The following REXO1 variants were observed in gnomAD, a reference collection of about 807,000 sequenced individuals.
REXO1 encodes the protein RNA exonuclease 1 homolog, also known as REX1, RNA exonuclease 1 homolog.
In REXO1, 42 loss-of-function variants were observed where a neutral mutation model predicts 102.6. The ratio of observed to expected loss-of-function variants is 0.41; its 90% confidence interval spans 0.32 to 0.53. REXO1 has a LOEUF of 0.53. Among genes scored for constraint, REXO1 ranks in the 20% least tolerant of loss-of-function variants. The pLI is 0.27. For missense variants in REXO1, 1,819 were observed against 1,732.5 expected, an observed-to-expected ratio of 1.05 and a Z score of -0.89; for synonymous variants, 908 against 779.1, an observed-to-expected ratio of 1.17 and a Z score of -2.76.
At chr19:1,824,810 G>A (rs1010120514) in intron 3 of REXO1, among the ~76,000 whole-genome samples, 1 of 152,104 alleles carries the variant, frequency 6.6e-6, no homozygotes, top group Non-Finnish European at 1.5e-5. Context: ...TTTTGAGACA[G>A]AGTCTTGCCT....
chr19:1,815,680 TCAAA>T lies in REXO1; in HGVS notation c.*382_*385del, dbSNP rs986084143. The T allele has an allele frequency of 2.6e-5, 34 of 1,301,832 alleles. No homozygotes were observed. The highest frequency in any genetic ancestry group is 1.2e-4 in the African/African-American group (8 of 66,518). 80.6% of individuals were successfully genotyped at this position (1,301,832 alleles called of 1,614,324 possible). ...CAATACAAAATAAAAAAAGACTGTC[TCAAA>T]CAAACCTGGGACAAGCCCGCCCCGC... On this transcript the variant is annotated 3_prime_UTR_variant, in exon 16 of 16. Transcript: ENST00000170168. This position sits in a 1 kb window ranked among gnomAD's most constrained non-coding sequence, Gnocchi z 4.0.
chr19:1,828,012 G>A lies in REXO1; in HGVS notation c.777C>T (p.Pro259=), dbSNP rs755890719. ...AGGGCTCACTGCCGCGGGAGCCCCG[G>A]GGCCGCTTGGCGGCCCGCTCATCCC... is the stretch of plus-strand genomic sequence containing the variant. The part of the protein sequence containing the change: ...SSRDERAAKR[P]RGSRGSEPYT... The change falls in exon 2 of 16, where the codon CCC becomes CCT. Residue 259 remains proline, a synonymous_variant. Transcript: ENST00000170168. The A allele has an allele frequency of 6.2e-7, 1 of 1,612,678 alleles. No individual in the cohort carries two copies. The highest frequency in any genetic ancestry group is 8.5e-7 in the Non-Finnish European group (1 of 1,179,540).
rs199605022 is a variant in REXO1 at position 1,827,910 on chromosome 19, G to A, written c.879C>T (p.Ala293=). Residue 293 remains alanine (A), a synonymous_variant, in exon 2 of 16, where the codon GCC becomes GCT. Transcript: ENST00000170168. The part of the protein sequence containing the change: ...DARFSDSEDE[A]ATVPGNEPTT... ...TGGGCTCGTTACCTGGGACCGTGGCGGCCTCATCTTCTGAGTCTGAGAACC... is the reference window on the plus strand; with the variant it reads ...TGGGCTCGTTACCTGGGACCGTGGCAGCCTCATCTTCTGAGTCTGAGAACC... The A allele has an allele frequency of 1.7e-5, 27 of 1,613,742 alleles. No individual in the cohort carries two copies. The highest frequency in any genetic ancestry group is 8.9e-5 in the East Asian group (4 of 44,866).
Position 1,827,742 on chromosome 19 carries a change from G to A in REXO1, c.1047C>T (p.Leu349=), listed in dbSNP as rs368634346. The A allele has an allele frequency of 6.2e-5, 98 of 1,570,128 alleles. No individual in the cohort carries two copies. Among genetic ancestry groups the A allele is most frequent in the Non-Finnish European group, 8.2e-5 (96 of 1,168,622 alleles). ...ETAVQCDVGD[L]QPPPAKPASP... ...AGGCGGGCTTGGCTGGGGGCGGCTG[G>A]AGGTCCCCCACGTCGCACTGCACGG... The change falls in exon 2 of 16, where the codon CTC becomes CTT. Residue 349 remains leucine, a synonymous_variant. Transcript: ENST00000170168.
At chr19:1,838,814 G>A (rs1413482803) in intron 1 of REXO1, among the ~76,000 whole-genome samples, 2 of 151,600 alleles carry the variant, frequency 1.3e-5, no homozygotes, top group Non-Finnish European at 2.9e-5. Context: ...TCCACACAGA[G>A]TAAGTTAAGA....
chr19:1,829,622 G>A (rs542886216), intron 1 of REXO1, among the ~76,000 whole-genome samples: 10 of 152,096 alleles, frequency 6.6e-5, no homozygotes, highest in Middle Eastern at 3.4e-3. Context: ...CAGCCAGACC[G>A]ACATGGAGAA....
In REXO1 at chr19:1,827,536, G is replaced by C; in HGVS notation, c.1253C>G (p.Pro418Arg). ...CTTGCGCCGGGGGCTGCTGGCCTGC[G>C]GGCCCTTCTTGTCCGCACGGGGCTT... Reference protein sequence around the residue: ...VEKPRADKKGPQASSPRRKAE... With the variant: ...VEKPRADKKGRQASSPRRKAE... Residue 418 changes from proline (P) to arginine (R), a missense_variant, in exon 2 of 16, where the codon CCG becomes CGG. Coordinates refer to ENST00000170168, the MANE Select transcript of REXO1 (RefSeq NM_020695.4). 1.3e-6 allele frequency: 2 copies of C among 1,586,048 alleles called. No homozygotes were observed. The highest frequency in any genetic ancestry group is 4.5e-5 in the East Asian group (2 of 44,552).
chr19:1,817,086 A>T, intron 12 of REXO1, 133 bp downstream of exon 12: 3 of 1,110,764 alleles, frequency 2.7e-6, no homozygotes, highest in Middle Eastern at 3.0e-4. Flanking sequence ...CAGGAGCCAC[A>T]GGCACCGGTG....
At chr19:1,824,198 A>G (rs3209539) in intron 3 of REXO1, 1 of 165,818 alleles carries the variant, frequency 6.0e-6, no homozygotes, top group African/African-American at 2.4e-5. Context: ...GTCCTGCACT[A>G]CCTCGCCACG....
At chr19:1,832,398 C>G (rs2069931002) in intron 1 of REXO1, among the ~76,000 whole-genome samples, 1 of 152,242 alleles carries the variant, frequency 6.6e-6, no homozygotes, top group African/African-American at 2.4e-5. Context: ...TGGAAAACAG[C>G]TGCCCGCTGC....
intron 4 of REXO1, 100 bp from the exon 5 acceptor site, chr19:1,821,782 G>A: frequency 9.2e-7 from 1 of 1,086,794 alleles, no homozygotes; most frequent in Non-Finnish European, 1.3e-6. Flanking sequence ...AGCAGCACGT[G>A]CATCTCCGCG....
At chr19:1,823,197 C>T in intron 4 of REXO1, 1 of 241,398 alleles carries the variant, frequency 4.1e-6, no homozygotes, top group Non-Finnish European at 7.9e-6. Context: ...AGGCCACGCC[C>T]CCCACTCACA....
chr19:1,827,392 C>G lies in REXO1; in HGVS notation c.1397G>C (p.Arg466Pro), dbSNP rs764342684. The G allele has an allele frequency of 6.5e-7, 1 of 1,539,544 alleles. No individual in the cohort carries two copies. Residue 466 changes from arginine to proline, a missense_variant, in exon 2 of 16, where the codon CGA (arginine) becomes CCA (proline). Physicochemically the swap from Arg to Pro is moderately radical, Grantham distance 103. Transcript: ENST00000170168. ...RRPSPTSGDS[R>P]PAAGRGPPRP... Reference sequence around the variant, plus strand: ...GGGTGGGCCTCTGCCGGCCGCCGGTCGGGAGTCCCCGCTTGTGGGGCTCGG... The same window carrying G: ...GGGTGGGCCTCTGCCGGCCGCCGGTGGGGAGTCCCCGCTTGTGGGGCTCGG...
intron 1 of REXO1, among the ~76,000 whole-genome samples, chr19:1,836,456 G>A (rs369644355): frequency 5.3e-5 from 8 of 152,066 alleles, no homozygotes; most frequent in East Asian, 3.9e-4. Flanking sequence ...TAAAGAACCC[G>A]GCAGGCTGGC....
chr19:1,842,576 C>A (rs906573531), intron 1 of REXO1, among the ~76,000 whole-genome samples: 1 of 152,268 alleles, frequency 6.6e-6, no homozygotes, highest in Non-Finnish European at 1.5e-5. Context: ...GCCCAGCAGC[C>A]AGGTTTTCAA....
chr19:1,819,169 AG>A, intron 7 of REXO1, 38 bp from the exon 8 acceptor site: 1 of 1,486,748 alleles, frequency 6.7e-7, no homozygotes, highest in Non-Finnish European at 9.1e-7. Context: ...GGTGTGAAGT[AG>A]CTGGCTCAGA....
chr19:1,818,460 A>T (rs1610106), intron 10 of REXO1, 22 bp downstream of exon 10: 18 of 1,557,384 alleles, frequency 1.2e-5, no homozygotes, highest in Non-Finnish European at 1.6e-5. Context: ...TGGGAAGGGG[A>T]AGGACCCGGG....
chr19:1,822,501 A>C (rs1164699273), intron 4 of REXO1: 1 of 151,480 alleles, frequency 6.6e-6, no homozygotes, highest in Non-Finnish European at 1.5e-5. Flanking sequence ...AAGCCAGATG[A>C]GCCCGCCCTG....
chr19:1,827,666 T>C lies in REXO1; in HGVS notation c.1123A>G (p.Lys375Glu). ...SQDGGCPKEG[K>E]PKKKKTGAPP... ...GCCCCGGTTTTTTTCTTCTTGGGTT[T>C]TCCCTCCTTGGGGCAGCCCCCATCC... is the stretch of plus-strand genomic sequence containing the variant. Residue 375 changes from lysine to glutamate, a missense_variant, in exon 2 of 16, where the codon AAA (lysine) becomes GAA (glutamate). Lys to Glu is a moderately conservative substitution (Grantham distance 56). Coordinates refer to ENST00000170168, the MANE Select transcript of REXO1 (RefSeq NM_020695.4). The C allele has an allele frequency of 1.3e-6, 2 of 1,567,668 alleles. No individual in the cohort carries two copies. The highest frequency in any genetic ancestry group is 1.7e-6 in the Non-Finnish European group (2 of 1,171,422).
Sources: allele counts gnomAD v4.1 joint callset (sites outside exome capture counted in the v4.1 genomes callset), GRCh38; gene constraint gnomAD v4.1.1; non-coding constraint Gnocchi (gnomAD v3.1); transcripts MANE v1.5; gene names NCBI Gene and HGNC (gene_info 2026-07-23, HGNC 2026-07-21).